ZBTB20: variants seen among roughly 807,000 people sequenced by gnomAD.
ZBTB20 encodes the protein zinc finger and BTB domain-containing protein 20.
In ZBTB20, 9 loss-of-function variants were observed where a neutral mutation model predicts 56.9. The ratio of observed to expected loss-of-function variants is 0.16; its 90% confidence interval spans 0.10 to 0.28. The LOEUF (loss-of-function observed/expected upper bound fraction) is 0.28, where lower values mean the gene tolerates loss of function less well. Among genes scored for constraint, ZBTB20 ranks in the 10% least tolerant of loss-of-function variants. The pLI is 1.00. For synonymous variants in ZBTB20, 417 were observed against 420.7 expected (o/e 0.99, Z 0.11); for missense variants, 655 against 1,003.0 (o/e 0.65, Z 4.69).
rs200340662 is a variant in ZBTB20 at position 114,428,984 on chromosome 3, T to TTA, written c.-254-39881_-254-39880dup. ...CCTTCAAGGCCTTTTATTTAAACAATTATACATATATATACAAAAAAAGAT... is the reference window on the plus strand; with the variant it reads ...CCTTCAAGGCCTTTTATTTAAACAATTATATACATATATATACAAAAAAAGAT... On this transcript the variant is annotated intron_variant, in intron 7 of 11. Coordinates refer to ENST00000675478, the MANE Select transcript of ZBTB20 (RefSeq NM_001348800.3). Among the ~76,000 whole-genome samples the TTA allele has an allele frequency of 1.1e-3, 173 of 151,680 alleles. 1 individual carries two copies. In the Middle Eastern group the frequency reaches 0.031, roughly 27 times the overall value.
intron 6 of ZBTB20, among the ~76,000 whole-genome samples, chr3:114,607,650 C>A (rs555137992): frequency 6.6e-6 from 1 of 152,116 alleles, no homozygotes; most frequent in Non-Finnish European, 1.5e-5. Context: ...TGTGACAAAC[C>A]TGTATCTGCC....
At chr3:114,381,093 C>A (rs1397683377) in intron 8 of ZBTB20, among the ~76,000 whole-genome samples, 153 bp from the exon 9 acceptor site, 1 of 152,092 alleles carries the variant, frequency 6.6e-6, no homozygotes, top group African/African-American at 2.4e-5. Context: ...AAATTTGCAG[C>A]CTGTACGGAT....
intron 10 of ZBTB20, among the ~76,000 whole-genome samples, chr3:114,363,621 G>C (rs1160051675): frequency 6.6e-6 from 1 of 152,088 alleles, no homozygotes; most frequent in Non-Finnish European, 1.5e-5. Context: ...GGATGTTGTA[G>C]GGACAAATAG....
At chr3:114,802,592 G>A (rs1346196653) in intron 4 of ZBTB20, among the ~76,000 whole-genome samples, 2 of 151,688 alleles carry the variant, frequency 1.3e-5, no homozygotes, top group African/African-American at 4.8e-5. Flanking sequence ...GCGTCACCAG[G>A]GACAACTGAA....
At chr3:114,764,243 C>T (rs2068630613) in intron 5 of ZBTB20, among the ~76,000 whole-genome samples, 1 of 96,492 alleles carries the variant, frequency 1.0e-5, no homozygotes, top group African/African-American at 3.8e-5. Flanking sequence ...CTACCTCTCT[C>T]TCTCTCTCTT....
At chr3:115,039,553 T>C (rs1025687182) in intron 2 of ZBTB20, among the ~76,000 whole-genome samples, 1 of 151,970 alleles carries the variant, frequency 6.6e-6, no homozygotes, top group Non-Finnish European at 1.5e-5. Context: ...TTTAAAGCAG[T>C]TTTACAATAT....
chr3:114,676,497 T>C (rs1311170768), intron 6 of ZBTB20, among the ~76,000 whole-genome samples: 1 of 152,166 alleles, frequency 6.6e-6, no homozygotes, highest in African/African-American at 2.4e-5. Context: ...TTTTTCCAAT[T>C]AGATTGTTTT....
At chr3:114,993,761 T>C (rs2078916413) in intron 2 of ZBTB20, among the ~76,000 whole-genome samples, 1 of 151,858 alleles carries the variant, frequency 6.6e-6, no homozygotes. Flanking sequence ...GCTAAAGTGG[T>C]TCTTAGTGGA....
chr3:114,528,928 C>T (rs1241459633), intron 6 of ZBTB20: 1 of 152,134 alleles, frequency 6.6e-6, no homozygotes, highest in African/African-American at 2.4e-5. Flanking sequence ...TGGGCTCTAC[C>T]CATGCAGGTG....
At chr3:114,631,382 C>CTATT (rs2058933524) in intron 6 of ZBTB20, among the ~76,000 whole-genome samples, 2 of 49,810 alleles carry the variant, frequency 4.0e-5, no homozygotes, top group Non-Finnish European at 6.8e-5. Flanking sequence ...ATAGGTTATT[C>CTATT]TTTTTTTTTT....
At position 114,351,706 on chromosome 3, in the gene ZBTB20, G is replaced by T; in HGVS notation, c.372C>A (p.Ala124=). 1.2e-6 allele frequency: 2 copies of T among 1,614,054 alleles called. No individual in the cohort carries two copies. The highest frequency in any genetic ancestry group is 1.7e-6 in the Non-Finnish European group (2 of 1,180,036). The part of the protein sequence containing the change: ...MLRAHRCVLA[A]GSPFFQDKLL... ...GTTTGTCCTGGAAGAAGGGGCTGCC[G>T]GCTGCCAGCACGCAGCGGTGTGCGC... Residue 124 remains alanine, a synonymous_variant, in exon 11 of 12, where the codon GCC becomes GCA. Coordinates refer to ENST00000675478, the MANE Select transcript of ZBTB20 (RefSeq NM_001348800.3).
chr3:114,627,140 T>C (rs1431919395), intron 6 of ZBTB20, among the ~76,000 whole-genome samples: 1 of 152,210 alleles, frequency 6.6e-6, no homozygotes, highest in Non-Finnish European at 1.5e-5. Flanking sequence ...CCCTCTCTTG[T>C]ATATAATCAC....
intron 7 of ZBTB20, among the ~76,000 whole-genome samples, chr3:114,483,446 G>C (rs2041771483): frequency 6.6e-6 from 1 of 151,840 alleles, no homozygotes; most frequent in African/African-American, 2.4e-5. Flanking sequence ...CTCTTGGTGA[G>C]GGCAGTATAG....
intron 6 of ZBTB20, among the ~76,000 whole-genome samples, chr3:114,596,934 A>T (rs947998021): frequency 6.6e-6 from 1 of 152,186 alleles, no homozygotes; most frequent in Non-Finnish European, 1.5e-5. Flanking sequence ...ATGGTATTTT[A>T]AAAGTTAAGG....
intron 6 of ZBTB20, among the ~76,000 whole-genome samples, chr3:114,509,821 A>G (rs1051469828): frequency 6.6e-6 from 1 of 152,104 alleles, no homozygotes; most frequent in Non-Finnish European, 1.5e-5. Context: ...GCCTCTCACA[A>G]TATCTTTCTG....
chr3:114,810,568 G>C (rs753082283), intron 4 of ZBTB20, among the ~76,000 whole-genome samples: 1 of 152,088 alleles, frequency 6.6e-6, no homozygotes, highest in Admixed American at 6.6e-5. Flanking sequence ...AAGCACTCCC[G>C]GCTAAAACAC....
intron 1 of ZBTB20, among the ~76,000 whole-genome samples, chr3:115,087,023 G>C (rs997322284): frequency 1.3e-5 from 2 of 151,718 alleles, no homozygotes; most frequent in African/African-American, 2.4e-5. Flanking sequence ...GTGATACTAG[G>C]GCCAAATAGC....
intron 3 of ZBTB20, among the ~76,000 whole-genome samples, chr3:114,971,230 T>C (rs979788546): frequency 1.3e-5 from 2 of 152,210 alleles, no homozygotes; most frequent in Admixed American, 1.3e-4. Context: ...CTGATTGTTA[T>C]GTGTGTTAAT....
At chr3:114,536,157 A>T (rs1040511120) in intron 6 of ZBTB20, among the ~76,000 whole-genome samples, 52 of 152,140 alleles carry the variant, frequency 3.4e-4, no homozygotes, top group African/African-American at 1.2e-3. Flanking sequence ...GGGCAATCAG[A>T]CAAGAGAAAT....
Sources: gnomAD v4.1 joint callset for allele counts (sites outside exome capture counted in the v4.1 genomes callset) on GRCh38, gnomAD v4.1.1 for gene constraint, MANE v1.5 for transcripts, NCBI Gene and HGNC (gene_info 2026-07-23, HGNC 2026-07-21) for gene names.